The following BRINP3 variants were observed in gnomAD, a reference collection of about 807,000 sequenced individuals.
BRINP3 encodes the protein BMP/retinoic acid inducible neural specific 3.
Under a neutral mutation model 71.0 loss-of-function variants are expected in BRINP3, and 19 were observed. The observed-to-expected ratio is 0.27, with a 90% CI of 0.19 to 0.39. The LOEUF is 0.39. Ranked by LOEUF, BRINP3 falls within the 10% of genes least tolerant of loss-of-function variation. BRINP3 has a pLI of 1.00. For missense variants in BRINP3, 959 were observed against 940.8 expected (o/e 1.02, Z -0.25); for synonymous variants, 380 against 337.7 (o/e 1.13, Z -1.37).
chr1:190,182,379 A>G (rs1257368685), intron 6 of BRINP3, among the ~76,000 whole-genome samples: 1 of 152,054 alleles, frequency 6.6e-6, no homozygotes, highest in African/African-American at 2.4e-5. Context: ...TTCTTTCAGA[A>G]TATTTTCTCA....
chr1:190,276,657 A>G (rs1251349724), intron 3 of BRINP3, among the ~76,000 whole-genome samples: 1 of 151,480 alleles, frequency 6.6e-6, no homozygotes, highest in African/African-American at 2.4e-5. Context: ...ACACACACAC[A>G]CACATATATA....
At position 190,168,875 on chromosome 1, in the gene BRINP3, C is replaced by T. The variant is rs142791459; in HGVS notation, c.962-7985G>A. On this transcript the variant is annotated intron_variant, in intron 6 of 7. Coordinates refer to ENST00000367462, the MANE Select transcript of BRINP3 (RefSeq NM_199051.3). ...TTCTTGGCACTGGGGATAATGCTTC[C>T]TCTCTGGCATAAATTGTTTTCTCTA... is the stretch of plus-strand genomic sequence containing the variant. 1.5e-3 allele frequency among the ~76,000 whole-genome samples: 226 copies of T among 152,258 alleles called. 1 individual carries two copies. The highest frequency in any genetic ancestry group is 5.2e-3 in the African/African-American group (217 of 41,560).
chr1:190,189,460 C>A (rs894807926), intron 6 of BRINP3, among the ~76,000 whole-genome samples: 6 of 151,664 alleles, frequency 4.0e-5, no homozygotes, highest in African/African-American at 1.5e-4. Flanking sequence ...ATTATTTTTT[C>A]TTTTTCTCCT....
chr1:190,356,501 C>G (rs78699518), intron 2 of BRINP3, among the ~76,000 whole-genome samples: 70 of 151,994 alleles, frequency 4.6e-4, no homozygotes, highest in African/African-American at 1.7e-3. Flanking sequence ...TTACTAGAAA[C>G]TTGTGGCTTA....
At chr1:190,192,537 G>A (rs564353900) in intron 6 of BRINP3, among the ~76,000 whole-genome samples, 4 of 151,288 alleles carry the variant, frequency 2.6e-5, no homozygotes, top group Admixed American at 1.3e-4. Context: ...TTTTTTTCAA[G>A]GAAGCCTGCT....
intron 7 of BRINP3, among the ~76,000 whole-genome samples, chr1:190,119,195 A>G (rs10920566): frequency 0.64 from 97,798 of 151,850 alleles, 33,316 homozygotes; most frequent in African/African-American, 0.89. Context: ...ATGACTTCTT[A>G]ATAGTTTCCA....
chr1:190,157,560 T>C (rs985876361), intron 7 of BRINP3, among the ~76,000 whole-genome samples: 1 of 152,076 alleles, frequency 6.6e-6, no homozygotes, highest in African/African-American at 2.4e-5. Flanking sequence ...ATTCACCTCA[T>C]CTTCTTGCAC....
chr1:190,418,504 T>C (rs962445433), intron 2 of BRINP3, among the ~76,000 whole-genome samples: 2 of 152,200 alleles, frequency 1.3e-5, no homozygotes, highest in Non-Finnish European at 2.9e-5. Flanking sequence ...GTTTAAATTT[T>C]CCTTCTCATT....
chr1:190,158,080 C>T (rs903516084), intron 7 of BRINP3, among the ~76,000 whole-genome samples: 17 of 152,010 alleles, frequency 1.1e-4, no homozygotes, highest in African/African-American at 4.1e-4. Flanking sequence ...GTGTTCCCAC[C>T]CAAATCTCAT....
chr1:190,117,660 G>A (rs946260761), intron 7 of BRINP3, among the ~76,000 whole-genome samples: 2 of 151,772 alleles, frequency 1.3e-5, no homozygotes, highest in African/African-American at 4.8e-5. Context: ...AAAATTAAAA[G>A]GATATTAACT....
intron 6 of BRINP3, among the ~76,000 whole-genome samples, chr1:190,218,770 G>T (rs1656627073): frequency 6.6e-6 from 1 of 151,696 alleles, no homozygotes; most frequent in African/African-American, 2.4e-5. Context: ...ACCAATGTCT[G>T]CTTCCATTAT....
At position 190,344,017 on chromosome 1, in the gene BRINP3, G is replaced by A. The variant is rs112915094; in HGVS notation, c.237-62267C>T. 3.3e-3 allele frequency among the ~76,000 whole-genome samples: 506 copies of A among 151,644 alleles called. 6 individuals carry two copies. The highest frequency in any genetic ancestry group is 0.012 in the African/African-American group (478 of 41,466). On this transcript the variant is annotated intron_variant, in intron 2 of 7. Transcript: ENST00000367462. ...TATCATGAGTAGACCTAGTGCTCAT[G>A]AAAAAATATACAAAAAGTAAATATC...
intron 2 of BRINP3, among the ~76,000 whole-genome samples, chr1:190,421,477 T>C (rs141956681): frequency 6.6e-6 from 1 of 151,434 alleles, no homozygotes; most frequent in African/African-American, 2.4e-5. Flanking sequence ...TTAATCTCTA[T>C]AGAAATTTAT....
intron 5 of BRINP3, among the ~76,000 whole-genome samples, chr1:190,230,268 A>T: frequency 6.6e-6 from 1 of 152,118 alleles, no homozygotes; most frequent in South Asian, 2.1e-4. Context: ...ATAAAATAAT[A>T]TTAGAAAATT....
chr1:190,412,048 T>C (rs923574433), intron 2 of BRINP3, among the ~76,000 whole-genome samples: 7 of 152,038 alleles, frequency 4.6e-5, no homozygotes, highest in African/African-American at 1.2e-4. Flanking sequence ...GCTTCTCCCA[T>C]AGCCTACTTA....
chr1:190,451,440 T>C (rs982038797), intron 2 of BRINP3, among the ~76,000 whole-genome samples: 4 of 152,184 alleles, frequency 2.6e-5, no homozygotes, highest in South Asian at 4.1e-4. Context: ...CTGAGGATAG[T>C]GTTTCTAGAA....
chr1:190,355,970 A>T (rs1668703165), intron 2 of BRINP3, among the ~76,000 whole-genome samples: 1 of 151,936 alleles, frequency 6.6e-6, no homozygotes, highest in African/African-American at 2.4e-5. Context: ...CTGTCTATGC[A>T]TATGCCTATG....
At chr1:190,192,941 T>C (rs1159343290) in intron 6 of BRINP3, among the ~76,000 whole-genome samples, 1 of 152,130 alleles carries the variant, frequency 6.6e-6, no homozygotes, top group Non-Finnish European at 1.5e-5. Flanking sequence ...TTTATATTTT[T>C]ATTTTCATTT....
At chr1:190,293,671 T>C (rs1483407154) in intron 2 of BRINP3, among the ~76,000 whole-genome samples, 1 of 152,204 alleles carries the variant, frequency 6.6e-6, no homozygotes, top group Non-Finnish European at 1.5e-5. Flanking sequence ...TTGAGATCTA[T>C]TAAATTTGCT....
Sources: allele counts gnomAD v4.1 joint callset (sites outside exome capture counted in the v4.1 genomes callset), GRCh38; gene constraint gnomAD v4.1.1; transcripts MANE v1.5; gene names NCBI Gene and HGNC (gene_info 2026-07-23, HGNC 2026-07-21).